The following RIPOR3 variants were observed in gnomAD, a reference collection of about 807,000 sequenced individuals.
RIPOR3 encodes RIPOR family member 3.
Under a neutral mutation model 114.3 loss-of-function variants are expected in RIPOR3, and 95 were observed. That is an observed-to-expected ratio of 0.83 (90% confidence interval 0.70 to 0.99). RIPOR3 has a LOEUF of 0.99. RIPOR3 is among the 50% of genes least tolerant of loss of function. The probability of loss-of-function intolerance (pLI) is 0.00; values close to 1 mark genes in which losing one functional copy is unlikely to be tolerated. For missense variants in RIPOR3, 1,252 were observed against 1,266.9 expected, an observed-to-expected ratio of 0.99 and a Z score of 0.18; for synonymous variants, 575 against 543.8, an observed-to-expected ratio of 1.06 and a Z score of -0.80.
Position 50,658,785 on chromosome 20 carries a change from A to T in RIPOR3, c.4-27929T>A, listed in dbSNP as rs140941580. Among the ~76,000 whole-genome samples the T allele has an allele frequency of 1.3e-3, 205 of 152,318 alleles. 2 individuals carry two copies. The highest frequency in any genetic ancestry group is 2.5e-3 in the South Asian group (12 of 4,830). On this transcript the variant is annotated intron_variant, in intron 1 of 21. Transcript: ENST00000327979. ...ACCCTCCAGCCTTCTTTAAAAGATGATGAAACTAAGGCTCAGAGAGATGAA... is the reference window on the plus strand; with the variant it reads ...ACCCTCCAGCCTTCTTTAAAAGATGTTGAAACTAAGGCTCAGAGAGATGAA...
intron 1 of RIPOR3, among the ~76,000 whole-genome samples, chr20:50,673,644 C>T (rs553497777): frequency 3.9e-5 from 6 of 152,310 alleles, no homozygotes; most frequent in African/African-American, 1.4e-4. Context: ...TACTCCACGT[C>T]CAAGACACAG....
intron 1 of RIPOR3, among the ~76,000 whole-genome samples, chr20:50,642,745 T>A (rs6020662): frequency 0.013 from 1,976 of 146,962 alleles, 42 homozygotes; most frequent in African/African-American, 0.046. Context: ...CACAGTGATT[T>A]AAAAAAAAAA....
In RIPOR3 at chr20:50,589,733, C is replaced by A; in HGVS notation, c.2614G>T (p.Asp872Tyr). 6.2e-7 allele frequency: 1 copy of A among 1,613,776 alleles called. No individual in the cohort carries two copies. Among genetic ancestry groups the A allele is most frequent in the Non-Finnish European group, 8.5e-7 (1 of 1,179,850 alleles). The change falls in exon 20 of 22, where the codon GAC becomes TAC. Residue 872 changes from aspartate (D) to tyrosine (Y), a missense_variant. Transcript: ENST00000327979. ...CATGCGGCCTGCTGGAGCCTTGCGT[C>A]GTTCTCTGCCAGGGCGTTGGTGTAG... ...LFYTNALAEN[D>Y]ARLQQAACLA...
chr20:50,649,166 A>G (rs935475544), intron 1 of RIPOR3, among the ~76,000 whole-genome samples: 7 of 152,024 alleles, frequency 4.6e-5, no homozygotes, highest in Non-Finnish European at 8.8e-5. Flanking sequence ...AATTAGAGGC[A>G]GGGCACAATG....
At chr20:50,638,291 C>T (rs1255833953) in intron 1 of RIPOR3, among the ~76,000 whole-genome samples, 1 of 152,178 alleles carries the variant, frequency 6.6e-6, no homozygotes, top group African/African-American at 2.4e-5. Context: ...CTCCACTGTC[C>T]CAGGACTGCA....
At chr20:50,613,641 C>T (rs1222862178) in intron 4 of RIPOR3, among the ~76,000 whole-genome samples, 1 of 152,136 alleles carries the variant, frequency 6.6e-6, no homozygotes, top group Non-Finnish European at 1.5e-5. Flanking sequence ...GGTCACTGTG[C>T]CCTGGCCTCA....
chr20:50,602,059 G>A lies in RIPOR3; in HGVS notation c.1659+13C>T, dbSNP rs774295149. 1.5e-5 allele frequency: 23 copies of A among 1,508,342 alleles called. No individual in the cohort carries two copies. The highest frequency in any genetic ancestry group is 2.0e-4 in the Middle Eastern group (1 of 5,050). 93.4% of individuals were successfully genotyped at this position (1,508,342 alleles called of 1,614,324 possible). A position where few individuals can be genotyped will look rare whatever the true frequency, so the allele number is the denominator to read the frequency against. Reference sequence around the variant, plus strand: ...GCAAAGCAGGGCCACCGCCCGGGGCGGGGTGGCCATACCTTCAGCCGGTCC... The same window carrying A: ...GCAAAGCAGGGCCACCGCCCGGGGCAGGGTGGCCATACCTTCAGCCGGTCC... On this transcript the variant is annotated intron_variant, in intron 13 of 21. Coordinates refer to ENST00000327979, the MANE Select transcript of RIPOR3 (RefSeq NM_001290268.2). The surrounding 1 kb of genome is among the most constrained non-coding windows in gnomAD (Gnocchi z 4.3).
intron 1 of RIPOR3, chr20:50,636,629 C>T (rs1003818969): frequency 2.5e-5 from 25 of 985,510 alleles, no homozygotes; most frequent in Admixed American, 1.2e-4. Flanking sequence ...CCCTCGCTGC[C>T]TCTCTCTGGC....
rs115094520 is a variant in RIPOR3 at position 50,611,028 on chromosome 20, G to T, written c.373-122C>A. 2,904 of 459,468 alleles carry T rather than the reference G, an allele frequency of 6.3e-3. 48 individuals are homozygous for T. In the African/African-American group the frequency reaches 0.085, roughly 13 times the overall value. The allele number at this position is 459,468 out of a possible 1,614,324, so 28.5% of individuals were successfully genotyped here. A position where few individuals can be genotyped will look rare whatever the true frequency, so the allele number is the denominator to read the frequency against. On this transcript the variant is annotated intron_variant, in intron 5 of 21. Transcript: ENST00000327979. ...AATGGGGCCCCTCACCATCCCTGAGGAAGGCTCATCGCAGAGACTCAGCCT... is the reference window on the plus strand; with the variant it reads ...AATGGGGCCCCTCACCATCCCTGAGTAAGGCTCATCGCAGAGACTCAGCCT...
chr20:50,593,932 T>C (rs2083197334), intron 17 of RIPOR3, among the ~76,000 whole-genome samples: 1 of 151,942 alleles, frequency 6.6e-6, no homozygotes, highest in African/African-American at 2.4e-5. Flanking sequence ...GGTTCATTCT[T>C]TACCCGTCAG....
chr20:50,637,874 C>CA (rs1230643988), intron 1 of RIPOR3, among the ~76,000 whole-genome samples: 6 of 150,558 alleles, frequency 4.0e-5, no homozygotes, highest in Admixed American at 3.3e-4. Flanking sequence ...GACTTCGTCT[C>CA]AAAAAAAAAT....
At chr20:50,619,461 T>A (rs927953834) in intron 3 of RIPOR3, among the ~76,000 whole-genome samples, 8 of 138,056 alleles carry the variant, frequency 5.8e-5, no homozygotes, top group African/African-American at 1.5e-4. Context: ...AAAAAAAAAA[T>A]TTGTGGAGTG....
chr20:50,602,091 C>T lies in RIPOR3; in HGVS notation c.1640G>A (p.Gly547Asp). The change falls in exon 13 of 22, where the codon GGC (glycine) becomes GAC (aspartate). Residue 547 changes from glycine to aspartate, a missense_variant. Physicochemically the swap from Gly to Asp is moderately conservative, Grantham distance 94. Coordinates refer to ENST00000327979, the MANE Select transcript of RIPOR3 (RefSeq NM_001290268.2). This position sits in a 1 kb window ranked among gnomAD's most constrained non-coding sequence, Gnocchi z 4.3. The stretch of plus-strand genomic sequence containing the variant: ...CCATACCTTCAGCCGGTCCCGGAAG[C>T]CGAGGACCTGGTACTCCAGCTCCCG... ...QLRELEYQVLGFRDRLKPCRA... is the reference protein window; with the variant it reads ...QLRELEYQVLDFRDRLKPCRA... The T allele has an allele frequency of 6.3e-7, 1 of 1,581,636 alleles. No individual in the cohort carries two copies. Among genetic ancestry groups the T allele is most frequent in the Non-Finnish European group, 8.6e-7 (1 of 1,163,690 alleles).
At chr20:50,655,248 A>C (rs934167125) in intron 1 of RIPOR3, among the ~76,000 whole-genome samples, 2 of 152,246 alleles carry the variant, frequency 1.3e-5, no homozygotes, top group African/African-American at 4.8e-5. Flanking sequence ...TCAGGCCTCC[A>C]GTTTAGATTA....
Position 50,587,887 on chromosome 20 carries a change from A to G in RIPOR3, c.2667T>C (p.Ile889=). Residue 889 remains isoleucine (I), a synonymous_variant, in exon 21 of 22, where the codon ATT becomes ATC. Coordinates refer to ENST00000327979, the MANE Select transcript of RIPOR3 (RefSeq NM_001290268.2). The part of the protein sequence containing the change: ...ACLALKHLKG[I]ESIDQTASLC... Reference sequence around the variant, plus strand: ...GGCTGGCAGTCTGGTCGATGCTTTCAATGCCCTGTTCGAGATTAGGAGAAA... The same window carrying G: ...GGCTGGCAGTCTGGTCGATGCTTTCGATGCCCTGTTCGAGATTAGGAGAAA... 6.2e-7 allele frequency: 1 copy of G among 1,614,088 alleles called. No homozygotes were observed. Among genetic ancestry groups the G allele is most frequent in the Non-Finnish European group, 8.5e-7 (1 of 1,180,042 alleles).
chr20:50,595,746 C>T (rs1475400179), intron 15 of RIPOR3, among the ~76,000 whole-genome samples: 4 of 152,228 alleles, frequency 2.6e-5, no homozygotes, highest in African/African-American at 7.2e-5. Context: ...AGCCAACCCA[C>T]ATTGCAAAGC....
At chr20:50,660,749 C>CTTTTTTT (rs58201824) in intron 1 of RIPOR3, among the ~76,000 whole-genome samples, 1 of 83,256 alleles carries the variant, frequency 1.2e-5, no homozygotes, top group Non-Finnish European at 2.3e-5. Flanking sequence ...TGGGATTTAC[C>CTTTTTTT]TTTTTTTTTT....
At chr20:50,635,332 A>G (rs1179748415) in intron 1 of RIPOR3, among the ~76,000 whole-genome samples, 2 of 152,174 alleles carry the variant, frequency 1.3e-5, no homozygotes, top group African/African-American at 4.8e-5. Flanking sequence ...GACAAGTACT[A>G]TTACTATCCC....
intron 6 of RIPOR3, among the ~76,000 whole-genome samples, chr20:50,610,596 T>C (rs2083941828): frequency 6.6e-6 from 1 of 152,116 alleles, no homozygotes; most frequent in African/African-American, 2.4e-5. Flanking sequence ...CTGCATAAAC[T>C]GAAGAAAGAG....
Sources: gnomAD v4.1 joint callset for allele counts (sites outside exome capture counted in the v4.1 genomes callset) on GRCh38, gnomAD v4.1.1 for gene constraint, Gnocchi (gnomAD v3.1) non-coding constraint, MANE v1.5 for transcripts, NCBI Gene and HGNC (gene_info 2026-07-23, HGNC 2026-07-21) for gene names.